NCAM2: variants seen among roughly 807,000 people sequenced by gnomAD.
NCAM2 encodes N-CAM-2.
NCAM2 carries 30 observed loss-of-function variants against 98.1 expected under a neutral mutation model. The observed-to-expected ratio is 0.31, with a 90% CI of 0.23 to 0.41. The LOEUF (loss-of-function observed/expected upper bound fraction) is 0.41. Among genes scored for constraint, NCAM2 ranks in the 10% least tolerant of loss-of-function variants. NCAM2 has a pLI of 1.00. For synonymous variants in NCAM2, 368 were observed against 342.4 expected, an observed-to-expected ratio of 1.07 and a Z score of -0.83; for missense variants, 867 against 1,005.8, an observed-to-expected ratio of 0.86 and a Z score of 1.87.
intron 12 of NCAM2, among the ~76,000 whole-genome samples, chr21:21,452,969 TATTATTA>T (rs1237785676): frequency 0.022 from 423 of 19,058 alleles, 4 homozygotes; most frequent in African/African-American, 0.064. Flanking sequence ...ATATATTATA[TATTATTA>T]TATATTATAT....
At chr21:21,216,535 G>A (rs1018956105) in intron 1 of NCAM2, among the ~76,000 whole-genome samples, 5 of 152,194 alleles carry the variant, frequency 3.3e-5, no homozygotes, top group African/African-American at 4.8e-5. Context: ...TGCTCTCTGA[G>A]TTGAACTTCT....
intron 12 of NCAM2, among the ~76,000 whole-genome samples, chr21:21,459,882 T>G (rs957708039): frequency 3.3e-5 from 5 of 151,886 alleles, no homozygotes; most frequent in Non-Finnish European, 7.4e-5. Flanking sequence ...ATAAGAAATG[T>G]AACTATAGTT....
chr21:21,120,707 A>G (rs1601421470), intron 1 of NCAM2, among the ~76,000 whole-genome samples: 1 of 139,432 alleles, frequency 7.2e-6, no homozygotes, highest in Non-Finnish European at 1.5e-5. Context: ...ATGTTTATTT[A>G]TTTTTTTGTG....
At chr21:21,120,787 C>T (rs531457282) in intron 1 of NCAM2, among the ~76,000 whole-genome samples, 31 of 149,904 alleles carry the variant, frequency 2.1e-4, no homozygotes, top group African/African-American at 7.1e-4. Context: ...GGCGCAATCT[C>T]GGCTCACTGC....
At chr21:21,326,800 A>C (rs2074523740) in intron 6 of NCAM2, among the ~76,000 whole-genome samples, 2 of 152,146 alleles carry the variant, frequency 1.3e-5, no homozygotes, top group African/African-American at 4.8e-5. Context: ...ATATACTGGG[A>C]GGATGAGAAT....
intron 1 of NCAM2, among the ~76,000 whole-genome samples, chr21:21,046,737 T>G (rs1265573134): frequency 6.6e-6 from 1 of 152,192 alleles, no homozygotes; most frequent in Non-Finnish European, 1.5e-5. Flanking sequence ...CTTACTGGTT[T>G]GTTTTGTTTT....
intron 5 of NCAM2, among the ~76,000 whole-genome samples, chr21:21,298,588 C>CAGACAGATAGAT (rs34936749): frequency 0.011 from 1,648 of 147,616 alleles, 12 homozygotes; most frequent in African/African-American, 0.016. Context: ...ATGATAGATA[C>CAGACAGATAGAT]AGATAGATAG....
At chr21:21,464,147 C>T (rs764289039) in intron 12 of NCAM2, among the ~76,000 whole-genome samples, 5 of 152,058 alleles carry the variant, frequency 3.3e-5, no homozygotes, top group African/African-American at 9.7e-5. Flanking sequence ...CCATCACCAA[C>T]GCAGCCAAGT....
intron 1 of NCAM2, among the ~76,000 whole-genome samples, chr21:21,180,180 C>A (rs2068424046): frequency 6.6e-6 from 1 of 152,126 alleles, no homozygotes; most frequent in Non-Finnish European, 1.5e-5. Flanking sequence ...AGCTGTGTAA[C>A]TCTTAAGACC....
intron 1 of NCAM2, among the ~76,000 whole-genome samples, chr21:21,028,347 A>G (rs1446760274): frequency 6.6e-6 from 1 of 152,256 alleles, no homozygotes; most frequent in Non-Finnish European, 1.5e-5. Context: ...TGTTAAAATC[A>G]TAATCCGATT....
Position 21,331,509 on chromosome 21 carries a change from C to CTATATATATATATATATATA in NCAM2, c.738-3995_738-3994insATATATATATATATATATAT, listed in dbSNP as rs748594575. Among the ~76,000 whole-genome samples, 17 of 5,028 alleles carry CTATATATATATATATATATA rather than the reference C, an allele frequency of 3.4e-3. 4 individuals are homozygous for CTATATATATATATATATATA. The highest frequency in any genetic ancestry group is 0.012 in the South Asian group (1 of 84). 3.3% of individuals were successfully genotyped at this position (5,028 alleles called of 152,430 possible). Reference sequence around the variant, plus strand: ...CTGGTTAGTATATATACTCTATACTCTCTCTCTCTATATATATATATATAT... The same window carrying CTATATATATATATATATATA: ...CTGGTTAGTATATATACTCTATACTCTATATATATATATATATATATCTCTCTCTATATATATATATATAT... On this transcript the variant is annotated intron_variant, in intron 6 of 17. Transcript: ENST00000400546.
chr21:21,349,192 G>T (rs1467439267), intron 8 of NCAM2, among the ~76,000 whole-genome samples: 1 of 151,874 alleles, frequency 6.6e-6, no homozygotes, highest in Non-Finnish European at 1.5e-5. Context: ...CCTGACAAGG[G>T]ATTAACCAGA....
intron 1 of NCAM2, among the ~76,000 whole-genome samples, chr21:21,232,947 A>C (rs751689053): frequency 4.6e-5 from 7 of 151,638 alleles, no homozygotes; most frequent in Non-Finnish European, 3.0e-5. Flanking sequence ...GGAATTTTGC[A>C]GAAAATTTCT....
At chr21:21,148,152 C>G (rs1411616529) in intron 1 of NCAM2, among the ~76,000 whole-genome samples, 1 of 152,120 alleles carries the variant, frequency 6.6e-6, no homozygotes, top group African/African-American at 2.4e-5. Context: ...CACACCAATT[C>G]AAATGCTAAT....
At chr21:21,044,081 G>A (rs2064962237) in intron 1 of NCAM2, among the ~76,000 whole-genome samples, 2 of 152,018 alleles carry the variant, frequency 1.3e-5, no homozygotes, top group South Asian at 4.1e-4. Flanking sequence ...GATTATTAAT[G>A]AGAGCAGTTA....
chr21:21,205,043 T>C (rs144904733), intron 1 of NCAM2, among the ~76,000 whole-genome samples: 1 of 152,246 alleles, frequency 6.6e-6, no homozygotes, highest in African/African-American at 2.4e-5. Context: ...TATATATATA[T>C]ATGCAAGTGA....
At chr21:21,135,290 T>C (rs2067025586) in intron 1 of NCAM2, among the ~76,000 whole-genome samples, 1 of 149,212 alleles carries the variant, frequency 6.7e-6, no homozygotes, top group South Asian at 2.1e-4. Context: ...AGTCCTCCAC[T>C]CTGGCCTCCC....
intron 1 of NCAM2, among the ~76,000 whole-genome samples, chr21:21,146,453 C>A (rs2067275397): frequency 6.7e-6 from 1 of 150,288 alleles, no homozygotes; most frequent in African/African-American, 2.4e-5. Flanking sequence ...GTGTACTAGG[C>A]AGCATTTTCC....
At chr21:21,452,319 T>G (rs1981251998) in intron 12 of NCAM2, among the ~76,000 whole-genome samples, 2 of 149,440 alleles carry the variant, frequency 1.3e-5, no homozygotes, top group African/African-American at 2.4e-5. Context: ...AAATGATATA[T>G]GTCCATTCAT....
Sources: allele counts gnomAD v4.1 joint callset (sites outside exome capture counted in the v4.1 genomes callset), GRCh38; gene constraint gnomAD v4.1.1; transcripts MANE v1.5; gene names NCBI Gene and HGNC (gene_info 2026-07-23, HGNC 2026-07-21).